The following DLC1 variants were observed in gnomAD, a reference collection of about 807,000 sequenced individuals.
DLC1 encodes DLC1 Rho GTPase activating protein, also known as rho GTPase-activating protein 7.
DLC1 carries 54 observed loss-of-function variants against 140.3 expected under a neutral mutation model. The observed-to-expected ratio is 0.38, with a 90% CI of 0.31 to 0.48. DLC1 has a LOEUF of 0.48. DLC1 is among the 20% of genes least tolerant of loss of function. The pLI is 0.96. For synonymous variants in DLC1, 986 were observed against 728.1 expected, an observed-to-expected ratio of 1.35 and a Z score of -5.70; for missense variants, 2,536 against 1,907.0, an observed-to-expected ratio of 1.33 and a Z score of -6.14.
At chr8:13,136,085 G>C (rs1822542833) in intron 5 of DLC1, among the ~76,000 whole-genome samples, 1 of 152,238 alleles carries the variant, frequency 6.6e-6, no homozygotes, top group African/African-American at 2.4e-5. Flanking sequence ...AAATGGACAT[G>C]CTACATTTTG....
intron 4 of DLC1, among the ~76,000 whole-genome samples, chr8:13,364,929 C>A (rs968846327): frequency 1.3e-5 from 2 of 152,208 alleles, no homozygotes; most frequent in Admixed American, 6.5e-5. Flanking sequence ...TGTTTGTTTT[C>A]TGTCCTTAAA....
At position 13,158,564 on chromosome 8, in the gene DLC1, A is replaced by G. The variant is rs145813075; in HGVS notation, c.1349-42907T>C. Among the ~76,000 whole-genome samples the G allele has an allele frequency of 5.7e-3, 861 of 152,254 alleles. 11 individuals are homozygous for G. Among genetic ancestry groups the G allele is most frequent in the African/African-American group, 0.02 (833 of 41,536 alleles). On this transcript the variant is annotated intron_variant, in intron 5 of 17. Coordinates refer to ENST00000276297, the MANE Select transcript of DLC1 (RefSeq NM_182643.3). ...TATGTGCTTGTTCTTCCTCGGGTCA[A>G]ACAGTATCTTGTGATATCTGTGAAG...
chr8:13,440,726 C>T (rs760351276), intron 2 of DLC1, among the ~76,000 whole-genome samples: 2 of 152,048 alleles, frequency 1.3e-5, no homozygotes, highest in Non-Finnish European at 2.9e-5. Context: ...GACAGTCTTT[C>T]CCCTGCTATT....
chr8:13,188,080 A>AT (rs34182663), intron 5 of DLC1, among the ~76,000 whole-genome samples: 1,517 of 119,132 alleles, frequency 0.013, 18 homozygotes, highest in Non-Finnish European at 0.017. Flanking sequence ...AACAGTGGCA[A>AT]TTTTTTTTTT....
At chr8:13,375,030 T>C (rs398046974) in intron 4 of DLC1, among the ~76,000 whole-genome samples, 28,047 of 119,402 alleles carry the variant, frequency 0.23, 3,110 homozygotes, top group Non-Finnish European at 0.31. Context: ...GCTTGTGATT[T>C]TTTTTTTTTT....
Position 13,466,474 on chromosome 8 carries a change from A to G in DLC1, c.1023+32575T>C, listed in dbSNP as rs556772403. On this transcript the variant is annotated intron_variant, in intron 2 of 17. Transcript: ENST00000276297. ...TCGCTATCTTGGTAGAAATAAAGAGAACACACGTTAGACAAGAGCCAGAAG... is the reference window on the plus strand; with the variant it reads ...TCGCTATCTTGGTAGAAATAAAGAGGACACACGTTAGACAAGAGCCAGAAG... 2.6e-5 allele frequency among the ~76,000 whole-genome samples: 4 copies of G among 152,274 alleles called. No individual in the cohort carries two copies. In the South Asian group the frequency reaches 8.3e-4, roughly 32 times the overall value.
At chr8:13,206,790 A>G (rs750868613) in intron 5 of DLC1, among the ~76,000 whole-genome samples, 3 of 152,074 alleles carry the variant, frequency 2.0e-5, no homozygotes, top group Non-Finnish European at 4.4e-5. Context: ...CACAAACACC[A>G]TTTGTTACCA....
At chr8:13,305,952 G>A (rs190818726) in intron 4 of DLC1, among the ~76,000 whole-genome samples, 34 of 152,290 alleles carry the variant, frequency 2.2e-4, no homozygotes, top group South Asian at 4.1e-4. Flanking sequence ...AAGCAAATTC[G>A]TTAGTTTCTG....
Position 13,401,637 on chromosome 8 carries a change from T to A in DLC1, c.1024-18A>T. The stretch of plus-strand genomic sequence containing the variant: ...CTTATTTCCTGAGGAACAGAACATT[T>A]TGTTACTGAATCTGAAAGGCCATTT... On this transcript the variant is annotated intron_variant, in intron 2 of 17. Transcript: ENST00000276297. 1 of 1,601,460 alleles carries A rather than the reference T, an allele frequency of 6.2e-7. No homozygotes were observed. The highest frequency in any genetic ancestry group is 8.5e-7 in the Non-Finnish European group (1 of 1,173,948).
chr8:13,462,317 A>C (rs1395382876), intron 2 of DLC1, among the ~76,000 whole-genome samples: 2 of 152,142 alleles, frequency 1.3e-5, no homozygotes, highest in African/African-American at 4.8e-5. Flanking sequence ...GAAAACCCCT[A>C]AATCCACCTG....
intron 1 of DLC1, among the ~76,000 whole-genome samples, chr8:13,577,031 G>C (rs1217359978): frequency 6.6e-6 from 1 of 152,190 alleles, no homozygotes; most frequent in African/African-American, 2.4e-5. Context: ...TACTGACTCT[G>C]TGTTGGGCTT....
chr8:13,321,910 T>G (rs1277635255), intron 4 of DLC1, among the ~76,000 whole-genome samples: 3 of 152,194 alleles, frequency 2.0e-5, no homozygotes, highest in Non-Finnish European at 4.4e-5. Flanking sequence ...CTGTGTTGTC[T>G]ATTTTTAATT....
At chr8:13,425,087 C>T (rs902696796) in intron 2 of DLC1, among the ~76,000 whole-genome samples, 5 of 151,474 alleles carry the variant, frequency 3.3e-5, no homozygotes, top group East Asian at 3.9e-4. Flanking sequence ...TTAGGATATG[C>T]TTCTCTTTCC....
intron 5 of DLC1, among the ~76,000 whole-genome samples, chr8:13,215,640 T>C (rs772937075): frequency 6.6e-6 from 1 of 152,058 alleles, no homozygotes; most frequent in Non-Finnish European, 1.5e-5. Context: ...AGCTAGAAAG[T>C]ACATCCTACT....
chr8:13,148,474 G>C (rs529475946), intron 5 of DLC1, among the ~76,000 whole-genome samples: 7 of 152,270 alleles, frequency 4.6e-5, no homozygotes, highest in African/African-American at 1.7e-4. Flanking sequence ...GTTCGTTTTT[G>C]TGGCTGCATA....
At chr8:13,160,487 TTG>T (rs1824606269) in intron 5 of DLC1, among the ~76,000 whole-genome samples, 1 of 152,212 alleles carries the variant, frequency 6.6e-6, no homozygotes, top group Non-Finnish European at 1.5e-5. Context: ...CTCTGTCCTC[TTG>T]GATGTGGTGG....
intron 5 of DLC1, among the ~76,000 whole-genome samples, chr8:13,190,638 A>G (rs1305727075): frequency 6.6e-6 from 1 of 152,210 alleles, no homozygotes; most frequent in Non-Finnish European, 1.5e-5. Context: ...CTAACTTAAG[A>G]TGCAGTTATG....
chr8:13,549,827 C>T (rs147745116), intron 1 of DLC1, among the ~76,000 whole-genome samples: 13 of 152,190 alleles, frequency 8.5e-5, no homozygotes, highest in African/African-American at 3.1e-4. Context: ...AATTCTAGAG[C>T]TTAAAGAGAT....
At chr8:13,398,035 GC>G (rs939425558) in intron 3 of DLC1, among the ~76,000 whole-genome samples, 72 of 123,104 alleles carry the variant, frequency 5.8e-4, no homozygotes, top group African/African-American at 2.1e-3. Context: ...GGAGGCTGAG[GC>G]AGGAGAATTG....
Sources: gnomAD v4.1 joint callset for allele counts (sites outside exome capture counted in the v4.1 genomes callset) on GRCh38, gnomAD v4.1.1 for gene constraint, MANE v1.5 for transcripts, NCBI Gene and HGNC (gene_info 2026-07-23, HGNC 2026-07-21) for gene names.